Variants in CPXM2 observed in about 807,000 individuals in gnomAD.
CPXM2 encodes the protein carboxypeptidase X, M14 family member 2.
CPXM2 carries 66 observed loss-of-function variants against 86.1 expected under a neutral mutation model. That is an observed-to-expected ratio of 0.77 (90% CI 0.63 to 0.94). CPXM2 has a LOEUF of 0.94. Ranked by LOEUF, CPXM2 falls within the 40% of genes least tolerant of loss-of-function variation. The probability of loss-of-function intolerance (pLI) is 0.00; values close to 1 mark genes in which losing one functional copy is unlikely to be tolerated. For synonymous variants in CPXM2, 388 were observed against 400.2 expected, an observed-to-expected ratio of 0.97 and a Z score of 0.36; for missense variants, 948 against 1,026.3, an observed-to-expected ratio of 0.92 and a Z score of 1.04.
At chr10:123,839,887 C>G (rs1848351495) in intron 4 of CPXM2, among the ~76,000 whole-genome samples, 2 of 152,138 alleles carry the variant, frequency 1.3e-5, no homozygotes, top group Admixed American at 1.3e-4. Flanking sequence ...GCTTGAAATA[C>G]ATTTTTTAAA....
At chr10:123,790,310 CAGGTGACT>C (rs1364309678) in intron 6 of CPXM2, among the ~76,000 whole-genome samples, 1 of 148,714 alleles carries the variant, frequency 6.7e-6, no homozygotes, top group Non-Finnish European at 1.5e-5. Flanking sequence ...CAGGATGGAG[CAGGTGACT>C]AGGAGTGACT....
chr10:123,825,351 C>G (rs1362654114), intron 4 of CPXM2, among the ~76,000 whole-genome samples: 2 of 152,204 alleles, frequency 1.3e-5, no homozygotes, highest in African/African-American at 4.8e-5. Flanking sequence ...AAGTATCAGA[C>G]AGCAAATGGA....
At chr10:123,879,237 C>T (rs1945042999) in intron 2 of CPXM2, among the ~76,000 whole-genome samples, 2 of 152,178 alleles carry the variant, frequency 1.3e-5, no homozygotes, top group Admixed American at 1.3e-4. Context: ...AAGGAAGCAG[C>T]ACTTCCACCT....
At chr10:123,895,124 T>TTC (rs1945326046), upstream of CPXM2, among the ~76,000 whole-genome samples, 1 of 112,840 alleles carries the variant, frequency 8.9e-6, no homozygotes, top group Non-Finnish European at 1.9e-5. Context: ...TTTTTTTCTT[T>TTC]TTTTTTTTTT....
In CPXM2 at chr10:123,891,587, C is replaced by T; in HGVS notation, c.73G>A (p.Ala25Thr). 6.5e-7 allele frequency: 1 copy of T among 1,533,350 alleles called. No homozygotes were observed. Among genetic ancestry groups the T allele is most frequent in the Non-Finnish European group, 8.8e-7 (1 of 1,138,876 alleles). 95.0% of individuals were successfully genotyped at this position (1,533,350 alleles called of 1,614,324 possible). A position where few individuals can be genotyped will look rare whatever the true frequency, so the allele number is the denominator to read the frequency against. ...LLAVTLAGVG[A>T]QGAALEDPDY... ...GGGTCCTCGAGGGCTGCGCCCTGGGCTCCGACCCCGGCCAGGGTCACTGCC... is the reference window on the plus strand; with the variant it reads ...GGGTCCTCGAGGGCTGCGCCCTGGGTTCCGACCCCGGCCAGGGTCACTGCC... The change falls in exon 1 of 14, where the codon GCC becomes ACC. Residue 25 changes from alanine to threonine, a missense_variant. Ala to Thr is a moderately conservative substitution (Grantham distance 58). Transcript: ENST00000241305. The surrounding 1 kb of genome is among the most constrained non-coding windows in gnomAD (Gnocchi z 5.6).
intron 4 of CPXM2, among the ~76,000 whole-genome samples, chr10:123,817,857 C>A (rs1174942389): frequency 1.3e-5 from 2 of 152,210 alleles, no homozygotes; most frequent in Non-Finnish European, 2.9e-5. Flanking sequence ...CTTTCTAGGA[C>A]ATCCCTGAAG....
intron 2 of CPXM2, among the ~76,000 whole-genome samples, chr10:123,916,927 G>A (rs1276146037): frequency 6.6e-6 from 1 of 152,066 alleles, no homozygotes; most frequent in African/African-American, 2.4e-5. Context: ...ACAGGCACAT[G>A]CCACCACGCC....
At chr10:123,876,099 G>C (rs1200311188) in intron 2 of CPXM2, among the ~76,000 whole-genome samples, 1 of 152,038 alleles carries the variant, frequency 6.6e-6, no homozygotes, top group Non-Finnish European at 1.5e-5. Context: ...TTACAGGCTT[G>C]AGCTACTGCA....
chr10:123,881,090 C>G (rs972596027), intron 1 of CPXM2, among the ~76,000 whole-genome samples: 8 of 151,814 alleles, frequency 5.3e-5, no homozygotes, highest in Non-Finnish European at 8.8e-5. Flanking sequence ...GCCTGCCATG[C>G]TCCTGCTGGC....
At chr10:123,891,810 C>G (rs1419677703), upstream of CPXM2, 3 of 322,634 alleles carry the variant, frequency 9.3e-6, no homozygotes, top group African/African-American at 6.7e-5. This position sits in a 1 kb window ranked among gnomAD's most constrained non-coding sequence, Gnocchi z 5.6. Context: ...GCGCGTGTGA[C>G]CGGCCCGCGG....
At chr10:123,824,445 A>G (rs904186404) in intron 4 of CPXM2, among the ~76,000 whole-genome samples, 7 of 152,264 alleles carry the variant, frequency 4.6e-5, no homozygotes, top group South Asian at 2.1e-4. Flanking sequence ...CTAACACAGC[A>G]TAAAAGATAT....
At chr10:123,922,683 C>T (rs927312315) in intron 2 of CPXM2, among the ~76,000 whole-genome samples, 1 of 152,274 alleles carries the variant, frequency 6.6e-6, no homozygotes, top group East Asian at 1.9e-4. Context: ...ATAGGAGGCT[C>T]GGCGAGGTGA....
intron 2 of CPXM2, among the ~76,000 whole-genome samples, chr10:123,927,633 G>A (rs1437436921): frequency 6.6e-6 from 1 of 152,162 alleles, no homozygotes; most frequent in African/African-American, 2.4e-5. Flanking sequence ...TGTTGCTCAT[G>A]CGGCCTTAGG....
chr10:123,923,617 G>A (rs2362924), intron 2 of CPXM2, among the ~76,000 whole-genome samples: 106,779 of 151,894 alleles, frequency 0.7, 37,929 homozygotes, highest in East Asian at 0.89. Flanking sequence ...CTTAGGACAC[G>A]TGAGGAAATT....
chr10:123,891,349 TC>T lies in CPXM2; in HGVS notation c.304+6del, dbSNP rs1945266135. On this transcript the variant is annotated splice_donor_region_variant and intron_variant, in intron 1 of 13. Transcript: ENST00000241305. This position sits in a 1 kb window ranked among gnomAD's most constrained non-coding sequence, Gnocchi z 5.6. ...CCTCGGGCTGCCCAGCGCAGAAAGT[TC>T]CTTACCTGGTGGAGGCGGCTCCGGA... 2 of 1,531,946 alleles carry T rather than the reference TC, an allele frequency of 1.3e-6. No individual in the cohort carries two copies. The allele number at this position is 1,531,946 out of a possible 1,614,324, so 94.9% of individuals were successfully genotyped here.
chr10:123,834,865 C>T (rs1461249096), intron 4 of CPXM2, among the ~76,000 whole-genome samples: 1 of 152,096 alleles, frequency 6.6e-6, no homozygotes, highest in Non-Finnish European at 1.5e-5. Flanking sequence ...GCTTCCATGA[C>T]AGCTGGTTGT....
intron 2 of CPXM2, among the ~76,000 whole-genome samples, chr10:123,872,288 T>C (rs909883406): frequency 2.6e-5 from 4 of 152,086 alleles, no homozygotes; most frequent in Admixed American, 6.5e-5. Flanking sequence ...CAAATGCCCA[T>C]CAAGAGAATG....
At chr10:123,880,604 T>C (rs181879458) in intron 1 of CPXM2, among the ~76,000 whole-genome samples, 265 of 151,890 alleles carry the variant, frequency 1.7e-3, no homozygotes, top group Admixed American at 3.9e-3. Flanking sequence ...CTAAGGCGGG[T>C]GGATCACAAG....
chr10:123,770,994 A>T lies in CPXM2; in HGVS notation c.1024T>A (p.Tyr342Asn). 6.2e-7 allele frequency: 1 copy of T among 1,613,336 alleles called. No individual in the cohort carries two copies. Among genetic ancestry groups the T allele is most frequent in the Non-Finnish European group, 8.5e-7 (1 of 1,179,238 alleles). Reference sequence around the variant, plus strand: ...CCCTGGTGGCTTTTTCCAATGTTGTAAATTCTGGTGATATTGGGACACATT... The same window carrying T: ...CCCTGGTGGCTTTTTCCAATGTTGTTAATTCTGGTGATATTGGGACACATT... ...NEMCPNITRI[Y>N]NIGKSHQGLK... Residue 342 changes from tyrosine to asparagine, a missense_variant, in exon 8 of 14, where the codon TAC becomes AAC. Coordinates refer to ENST00000241305, the MANE Select transcript of CPXM2 (RefSeq NM_198148.3).
Sources: allele counts gnomAD v4.1 joint callset (sites outside exome capture counted in the v4.1 genomes callset), GRCh38; gene constraint gnomAD v4.1.1; non-coding constraint Gnocchi (gnomAD v3.1); transcripts MANE v1.5; gene names NCBI Gene and HGNC (gene_info 2026-07-23, HGNC 2026-07-21).